Variants in COL5A1 observed in about 807,000 individuals in gnomAD.
The protein encoded by COL5A1 is collagen type V alpha 1 chain, also known as collagen alpha-1(V) chain.
COL5A1 carries 16 observed loss-of-function variants against 263.7 expected under a neutral mutation model. The observed-to-expected ratio is 0.06, with a 90% CI of 0.04 to 0.09. COL5A1 has a LOEUF of 0.09. COL5A1 is among the 10% of genes least tolerant of loss of function. COL5A1 has a pLI of 1.00. For missense variants in COL5A1, 2,036 were observed against 2,540.5 expected, an observed-to-expected ratio of 0.80 and a Z score of 4.27; for synonymous variants, 1,012 against 1,004.5, an observed-to-expected ratio of 1.01 and a Z score of -0.14.
intron 61 of COL5A1, 40 bp downstream of exon 61, chr9:134,823,509 C>G (rs770683700): frequency 6.2e-7 from 1 of 1,602,970 alleles, no homozygotes; most frequent in Non-Finnish European, 8.5e-7. Flanking sequence ...GACGGGGGCT[C>G]TGGCTAGCTC....
chr9:134,734,824 TA>T (rs1310945979), intron 9 of COL5A1, among the ~76,000 whole-genome samples: 1 of 152,226 alleles, frequency 6.6e-6, no homozygotes, highest in Admixed American at 6.5e-5. Context: ...TTTTTGTTTT[TA>T]AAATATGTGC....
At chr9:134,748,516 C>A (rs185345171) in intron 11 of COL5A1, among the ~76,000 whole-genome samples, 2 of 152,304 alleles carry the variant, frequency 1.3e-5, no homozygotes, top group East Asian at 3.9e-4. Context: ...GAATTGATTC[C>A]GACACAGGAA....
chr9:134,760,367 A>ACGTG (rs1836317670), intron 18 of COL5A1, among the ~76,000 whole-genome samples: 2 of 66,828 alleles, frequency 3.0e-5, no homozygotes, highest in African/African-American at 8.5e-5. Flanking sequence ...ACACATACAC[A>ACGTG]CACACCACAC....
chr9:134,782,789 G>A (rs938425175), intron 29 of COL5A1, 69 bp downstream of exon 29: 2 of 1,385,100 alleles, frequency 1.4e-6, no homozygotes, highest in Non-Finnish European at 2.1e-6. Context: ...GGAGGGGGTG[G>A]GGATGTTTGC....
chr9:134,727,074 T>A (rs999832244), intron 4 of COL5A1, among the ~76,000 whole-genome samples, 192 bp from the exon 5 acceptor site: 1 of 151,660 alleles, frequency 6.6e-6, no homozygotes, highest in African/African-American at 2.4e-5. Context: ...GATGGATGGA[T>A]GGATGGGCCA....
At chr9:134,651,962 G>A (rs1262337406) in intron 1 of COL5A1, among the ~76,000 whole-genome samples, 7 of 152,120 alleles carry the variant, frequency 4.6e-5, no homozygotes, top group African/African-American at 9.7e-5. Flanking sequence ...AAAGTGTCCC[G>A]TGTCCACGTT....
intron 11 of COL5A1, among the ~76,000 whole-genome samples, chr9:134,744,334 C>A (rs1429261674): frequency 6.6e-6 from 1 of 152,104 alleles, no homozygotes; most frequent in Non-Finnish European, 1.5e-5. Context: ...CATGCACACA[C>A]ACTCATGCCT....
intron 4 of COL5A1, among the ~76,000 whole-genome samples, chr9:134,710,565 CCCCATTTGTTGGGTGCAGTGGTGGGGGGG>C (rs1484779702): frequency 7.5e-5 from 4 of 53,682 alleles, no homozygotes; most frequent in African/African-American, 1.5e-4. Flanking sequence ...GGTGGGGGGG[CCCCATTTGTTGGGTGCAGTGGTGGGGGGG>C]CCCATTTGTT....
chr9:134,744,654 TACGCTCACAC>T lies in COL5A1; in HGVS notation c.1494+5849_1494+5858del, dbSNP rs1835425834. 2.7e-5 allele frequency among the ~76,000 whole-genome samples: 4 copies of T among 147,870 alleles called. No homozygotes were observed. In the South Asian group the frequency reaches 8.6e-4, roughly 32 times the overall value. On this transcript the variant is annotated intron_variant, in intron 11 of 65. Transcript: ENST00000371817. The stretch of plus-strand genomic sequence containing the variant: ...ACACTCACCCAGACATGCACACAGG[TACGCTCACAC>T]ACATGCACACACATTCACACATGCA...
chr9:134,710,164 T>C (rs1397241524), intron 4 of COL5A1, among the ~76,000 whole-genome samples: 2 of 152,130 alleles, frequency 1.3e-5, no homozygotes, highest in Non-Finnish European at 2.9e-5. Context: ...ATGTTAGGCT[T>C]GTGGTGCGGA....
chr9:134,725,543 A>T (rs1272381623), intron 4 of COL5A1, among the ~76,000 whole-genome samples: 1 of 152,210 alleles, frequency 6.6e-6, no homozygotes, highest in Non-Finnish European at 1.5e-5. Context: ...CTCTGCAGAT[A>T]GCGTTTATGA....
chr9:134,649,154 A>G (rs1404793753), intron 1 of COL5A1, among the ~76,000 whole-genome samples: 4 of 152,144 alleles, frequency 2.6e-5, no homozygotes, highest in African/African-American at 9.7e-5. Flanking sequence ...GCCCCAGGCC[A>G]CTGGAGAGAA....
chr9:134,682,848 G>A lies in COL5A1; in HGVS notation c.110-8064G>A, dbSNP rs1052757259. Among the ~76,000 whole-genome samples, 8 of 152,174 alleles carry A rather than the reference G, an allele frequency of 5.3e-5. No homozygotes were observed. In the East Asian group the frequency reaches 9.6e-4, roughly 18 times the overall value. ...TCGCAAATGCCCAGCCTTTGGGAGC[G>A]GGGACTGCGGCCAGCACATCATCCG... is the stretch of plus-strand genomic sequence containing the variant. On this transcript the variant is annotated intron_variant, in intron 1 of 65. Coordinates refer to ENST00000371817, the MANE Select transcript of COL5A1 (RefSeq NM_000093.5). This position sits in a 1 kb window ranked among gnomAD's most constrained non-coding sequence, Gnocchi z 5.1.
chr9:134,672,089 C>A (rs1421817813), intron 1 of COL5A1, among the ~76,000 whole-genome samples: 1 of 152,232 alleles, frequency 6.6e-6, no homozygotes, highest in Non-Finnish European at 1.5e-5. Flanking sequence ...TGCCCATTAT[C>A]AAGGCAAAGG....
intron 31 of COL5A1, among the ~76,000 whole-genome samples, chr9:134,786,353 G>A (rs1837458738): frequency 6.6e-6 from 1 of 152,208 alleles, no homozygotes; most frequent in Non-Finnish European, 1.5e-5. Flanking sequence ...GTGGCTCTCA[G>A]CCTCCACCGT....
intron 46 of COL5A1, 92 bp from the exon 47 acceptor site, chr9:134,812,356 TG>T: frequency 7.6e-7 from 1 of 1,311,218 alleles, no homozygotes; most frequent in Non-Finnish European, 1.1e-6. Context: ...GGGGGCTCAG[TG>T]GTGCTGTGTG....
In COL5A1 at chr9:134,817,744, C is replaced by T. The variant is rs1355073983; in HGVS notation, c.4177-34C>T. On this transcript the variant is annotated intron_variant, in intron 53 of 65. Transcript: ENST00000371817. ...CTCGTCCCTCCACCCCTGCAGGCCA[C>T]ACTCACCACCTGCTGTTCTCTTGCT... The T allele has an allele frequency of 1.9e-6, 3 of 1,605,682 alleles. No homozygotes were observed. The East Asian group carries it at 6.7e-5, about 36-fold the overall frequency.
In COL5A1 at chr9:134,700,039, C is replaced by T. The variant is rs376435758; in HGVS notation, c.408C>T (p.Pro136=). The stretch of plus-strand genomic sequence containing the variant: ...TTGGGCTGGAGCTGGGCCGCTCTCC[C>T]GTCTTCCTCTACGAGGACCACACGG... ...QQIGLELGRS[P]VFLYEDHTGK... Residue 136 remains proline, a synonymous_variant, in exon 3 of 66, where the codon CCC becomes CCT. Transcript: ENST00000371817. The surrounding 1 kb of genome is among the most constrained non-coding windows in gnomAD (Gnocchi z 4.0). The T allele has an allele frequency of 2.5e-5, 41 of 1,613,558 alleles. 1 individual carries two copies. Among genetic ancestry groups the T allele is most frequent in the Admixed American group, 8.3e-5 (5 of 60,034 alleles).
At chr9:134,689,755 G>T (rs1006172550) in intron 1 of COL5A1, among the ~76,000 whole-genome samples, 1 of 152,212 alleles carries the variant, frequency 6.6e-6, no homozygotes, top group African/African-American at 2.4e-5. Flanking sequence ...GCCAGCAGAG[G>T]GGGCACGGCC....
Sources: allele counts gnomAD v4.1 joint callset (sites outside exome capture counted in the v4.1 genomes callset), GRCh38; gene constraint gnomAD v4.1.1; non-coding constraint Gnocchi (gnomAD v3.1); transcripts MANE v1.5; gene names NCBI Gene and HGNC (gene_info 2026-07-23, HGNC 2026-07-21).